GALNT14: variants seen among roughly 807,000 people sequenced by gnomAD.
GALNT14 encodes the protein UDP-GalNAc:polypeptide N-acetylgalactosaminyltransferase 14.
Under a neutral mutation model 77.5 loss-of-function variants are expected in GALNT14, and 60 were observed. That is an observed-to-expected ratio of 0.77 (90% CI 0.63 to 0.96). GALNT14 has a LOEUF of 0.96. GALNT14 is among the 40% of genes least tolerant of loss of function. GALNT14 has a pLI of 0.00. For missense variants in GALNT14, 710 were observed against 731.0 expected, an observed-to-expected ratio of 0.97 and a Z score of 0.33; for synonymous variants, 280 against 281.7, an observed-to-expected ratio of 0.99 and a Z score of 0.06.
At chr2:31,088,913 C>G (rs1477927423) in intron 1 of GALNT14, among the ~76,000 whole-genome samples, 2 of 152,088 alleles carry the variant, frequency 1.3e-5, no homozygotes. Context: ...GCTGCATCCT[C>G]CATTCTAGCA....
chr2:31,126,377 G>A (rs1356041421), intron 1 of GALNT14, among the ~76,000 whole-genome samples: 1 of 152,092 alleles, frequency 6.6e-6, no homozygotes, highest in Non-Finnish European at 1.5e-5. Context: ...GTGCTCTGGA[G>A]GCAGACAGAC....
intron 9 of GALNT14, among the ~76,000 whole-genome samples, chr2:30,932,758 A>G (rs1443531225): frequency 6.6e-6 from 1 of 152,240 alleles, no homozygotes; most frequent in Non-Finnish European, 1.5e-5. Flanking sequence ...CCTCAGGGCA[A>G]GGTGTCCACA....
chr2:31,123,172 A>C (rs1323894439), intron 1 of GALNT14, among the ~76,000 whole-genome samples: 3 of 105,018 alleles, frequency 2.9e-5, no homozygotes, highest in East Asian at 5.8e-4. Flanking sequence ...ACAGAGCGAG[A>C]CTCCATCTCA....
chr2:30,989,581 T>TATATATATATATATATATAAAA (rs1384068782), intron 2 of GALNT14, among the ~76,000 whole-genome samples: 2 of 108,172 alleles, frequency 1.8e-5, no homozygotes, highest in African/African-American at 9.6e-5. Flanking sequence ...TATATATATA[T>TATATATATATATATATATAAAA]AAAAATATAT....
the GALNT14 span, among the ~76,000 whole-genome samples, chr2:30,891,828 A>G: frequency 6.6e-6 from 1 of 152,132 alleles, no homozygotes; most frequent in African/African-American, 2.4e-5. Context: ...CAGTGTCAAG[A>G]GGCTTTGGTT....
At chr2:30,938,917 G>A (rs531015060) in intron 9 of GALNT14, among the ~76,000 whole-genome samples, 1 of 152,346 alleles carries the variant, frequency 6.6e-6, no homozygotes, top group East Asian at 1.9e-4. Flanking sequence ...GTCTCTACCA[G>A]CTGCTATTAT....
intron 1 of GALNT14, among the ~76,000 whole-genome samples, chr2:31,085,252 A>T (rs748166706): frequency 8.5e-5 from 13 of 152,152 alleles, no homozygotes; most frequent in Non-Finnish European, 1.6e-4. Flanking sequence ...TCTTCCAGGC[A>T]TTCGGAAAGG....
At chr2:31,119,440 A>C (rs537446299) in intron 1 of GALNT14, among the ~76,000 whole-genome samples, 28 of 152,330 alleles carry the variant, frequency 1.8e-4, no homozygotes, top group African/African-American at 6.3e-4. Context: ...AGATCCTTAC[A>C]TGCAATAAAC....
At chr2:30,897,690 G>A in the GALNT14 span, among the ~76,000 whole-genome samples, 1 of 152,200 alleles carries the variant, frequency 6.6e-6, no homozygotes, top group African/African-American at 2.4e-5. Context: ...TTCTCCACAG[G>A]GCTCAGCAGA....
intron 4 of GALNT14, 146 bp from the exon 5 acceptor site, chr2:30,956,123 G>C: frequency 1.3e-6 from 1 of 750,702 alleles, no homozygotes; most frequent in Non-Finnish European, 2.3e-6. Context: ...TGACTCCAGG[G>C]TGTTTCCAGG....
intron 1 of GALNT14, among the ~76,000 whole-genome samples, chr2:31,008,204 C>A (rs1339802732): frequency 6.6e-6 from 1 of 152,142 alleles, no homozygotes; most frequent in Non-Finnish European, 1.5e-5. Flanking sequence ...CCCGACTCAG[C>A]CTCCTGAGTA....
chr2:31,025,891 T>C (rs940351128), intron 1 of GALNT14, among the ~76,000 whole-genome samples: 2 of 152,194 alleles, frequency 1.3e-5, no homozygotes, highest in South Asian at 2.1e-4. Context: ...AGGACTGCAA[T>C]TTCTTTCTTT....
chr2:31,133,927 A>G (rs1191787824), intron 1 of GALNT14, among the ~76,000 whole-genome samples: 18 of 152,260 alleles, frequency 1.2e-4, no homozygotes. Flanking sequence ...AGCTATTAAT[A>G]GAAAGAATCA....
At chr2:31,132,057 C>T (rs1280858620) in intron 1 of GALNT14, among the ~76,000 whole-genome samples, 1 of 152,198 alleles carries the variant, frequency 6.6e-6, no homozygotes, top group East Asian at 1.9e-4. Context: ...AGCTCCCCAG[C>T]CTGACTAAAA....
At chr2:31,067,389 C>T (rs895517832) in intron 1 of GALNT14, among the ~76,000 whole-genome samples, 2 of 152,196 alleles carry the variant, frequency 1.3e-5, no homozygotes, top group African/African-American at 4.8e-5. Flanking sequence ...GAATGCCGTG[C>T]TGAGTGCAGA....
chr2:31,037,805 CTGTG>C (rs1029931621), intron 1 of GALNT14, among the ~76,000 whole-genome samples: 2 of 151,664 alleles, frequency 1.3e-5, no homozygotes, highest in Non-Finnish European at 2.9e-5. Context: ...CTGAGAGGCT[CTGTG>C]TGTGTGTTGG....
intron 1 of GALNT14, among the ~76,000 whole-genome samples, chr2:31,010,177 G>A (rs13034001): frequency 0.27 from 40,827 of 152,050 alleles, 5,598 homozygotes; most frequent in East Asian, 0.4. Context: ...TAGTAGAGAC[G>A]GGGTTTCACC....
intron 1 of GALNT14, among the ~76,000 whole-genome samples, chr2:31,018,775 C>A (rs1288277419): frequency 6.6e-6 from 1 of 152,088 alleles, no homozygotes; most frequent in Non-Finnish European, 1.5e-5. Context: ...GGGATGACAA[C>A]AACAAAAAAG....
chr2:30,895,676 C>G, the GALNT14 span, among the ~76,000 whole-genome samples: 53,160 of 151,952 alleles, frequency 0.35, 10,303 homozygotes, highest in Non-Finnish European at 0.42. Flanking sequence ...ACTCAGCCCT[C>G]CAATTCTCTG....
Sources: allele counts gnomAD v4.1 joint callset (sites outside exome capture counted in the v4.1 genomes callset), GRCh38; gene constraint gnomAD v4.1.1; transcripts MANE v1.5; gene names NCBI Gene and HGNC (gene_info 2026-07-23, HGNC 2026-07-21).